Variants in VSNL1 observed in about 807,000 individuals in gnomAD.
The protein encoded by VSNL1 is visinin-like protein 1.
Under a neutral mutation model 20.4 loss-of-function variants are expected in VSNL1, and 6 were observed. The observed-to-expected ratio is 0.29, with a 90% CI of 0.16 to 0.58. VSNL1 has a LOEUF of 0.58. Among genes scored for constraint, VSNL1 ranks in the 20% least tolerant of loss-of-function variants. VSNL1 has a pLI of 0.90. For missense variants in VSNL1, 100 were observed against 234.5 expected (o/e 0.43, Z 3.75); for synonymous variants, 93 against 86.4 (o/e 1.08, Z -0.42).
At chr2:17,612,511 C>T (rs1665114908) in intron 2 of VSNL1, among the ~76,000 whole-genome samples, 1 of 152,184 alleles carries the variant, frequency 6.6e-6, no homozygotes. Context: ...ATGATCCCAG[C>T]TATGACAAAG....
intron 1 of VSNL1, among the ~76,000 whole-genome samples, chr2:17,544,482 C>T (rs557903869): frequency 1.3e-5 from 2 of 152,306 alleles, no homozygotes; most frequent in East Asian, 3.9e-4. Context: ...CTCCCCATTA[C>T]ATGTGAGTCA....
At chr2:17,637,195 G>C (rs1319699505) in intron 2 of VSNL1, among the ~76,000 whole-genome samples, 1 of 152,186 alleles carries the variant, frequency 6.6e-6, no homozygotes, top group Non-Finnish European at 1.5e-5. Context: ...ACCTGGCCCA[G>C]GGGAGCCCGG....
intron 2 of VSNL1, among the ~76,000 whole-genome samples, chr2:17,628,200 T>A (rs1176045498): frequency 6.6e-6 from 1 of 152,110 alleles, no homozygotes; most frequent in African/African-American, 2.4e-5. Flanking sequence ...AGAGTGTGAG[T>A]TATTGAGGAC....
chr2:17,552,880 G>A (rs78151592), intron 1 of VSNL1, among the ~76,000 whole-genome samples: 364 of 152,236 alleles, frequency 2.4e-3, no homozygotes, highest in African/African-American at 8.5e-3. Context: ...AAGAGATGTG[G>A]CTTTAAACTA....
intron 2 of VSNL1, among the ~76,000 whole-genome samples, chr2:17,603,349 G>A (rs1484134014): frequency 6.6e-6 from 1 of 152,192 alleles, no homozygotes; most frequent in Admixed American, 6.5e-5. Flanking sequence ...TCCTCACATG[G>A]TGAAAGAGGC....
chr2:17,642,980 C>G (rs1665913732), intron 2 of VSNL1, among the ~76,000 whole-genome samples: 1 of 151,770 alleles, frequency 6.6e-6, no homozygotes, highest in African/African-American at 2.4e-5. Flanking sequence ...TGAGAAGCAA[C>G]CTTAGGATCT....
chr2:17,565,285 G>C (rs932607124), intron 1 of VSNL1, among the ~76,000 whole-genome samples: 3 of 152,006 alleles, frequency 2.0e-5, no homozygotes, highest in Non-Finnish European at 4.4e-5. Flanking sequence ...GAAAAATTCG[G>C]AGAATTATAT....
chr2:17,614,190 C>G (rs1308814895), intron 2 of VSNL1, among the ~76,000 whole-genome samples: 1 of 152,196 alleles, frequency 6.6e-6, no homozygotes, highest in Non-Finnish European at 1.5e-5. Flanking sequence ...CACTGTAAGA[C>G]TCGGGGGCCC....
chr2:17,549,214 G>A (rs1663469946), intron 1 of VSNL1, among the ~76,000 whole-genome samples: 1 of 152,150 alleles, frequency 6.6e-6, no homozygotes, highest in African/African-American at 2.4e-5. Context: ...GGCAGAAGAG[G>A]GAGGCCATAC....
chr2:17,575,771 G>A lies in VSNL1; in HGVS notation c.-5-16299G>A, dbSNP rs544221035. On this transcript the variant is annotated intron_variant, in intron 1 of 3. Coordinates refer to ENST00000295156, the MANE Select transcript of VSNL1 (RefSeq NM_003385.5). ...AGGCTGGTCTCGAACTCCTGACCTTGTGATCTGCCTGCCTCGGCCTCCCAA... is the reference window on the plus strand; with the variant it reads ...AGGCTGGTCTCGAACTCCTGACCTTATGATCTGCCTGCCTCGGCCTCCCAA... 1.0e-3 allele frequency among the ~76,000 whole-genome samples: 153 copies of A among 152,024 alleles called. 1 individual carries two copies. Among genetic ancestry groups the A allele is most frequent in the African/African-American group, 3.5e-3 (144 of 41,470 alleles).
At chr2:17,631,849 A>T (rs939980878) in intron 2 of VSNL1, among the ~76,000 whole-genome samples, 1 of 152,250 alleles carries the variant, frequency 6.6e-6, no homozygotes, top group Non-Finnish European at 1.5e-5. Context: ...ACACAGGTAC[A>T]TACTTAATGA....
chr2:17,649,363 G>A lies in VSNL1; in HGVS notation c.163-47G>A, dbSNP rs937975096. 1.5e-5 allele frequency: 24 copies of A among 1,594,088 alleles called. No individual in the cohort carries two copies. Among genetic ancestry groups the A allele is most frequent in the African/African-American group, 2.7e-5 (2 of 74,456 alleles). The stretch of plus-strand genomic sequence containing the variant: ...CATTAGGAACCTACCTCGTCGCCCC[G>A]ATTCCATCCCCTCCCGACACCTGAC... On this transcript the variant is annotated intron_variant, in intron 2 of 3. Transcript: ENST00000295156. This position sits in a 1 kb window ranked among gnomAD's most constrained non-coding sequence, Gnocchi z 6.4.
Position 17,635,567 on chromosome 2 carries a change from A to G in VSNL1, c.163-13843A>G, listed in dbSNP as rs150252826. 2.7e-3 allele frequency among the ~76,000 whole-genome samples: 415 copies of G among 152,210 alleles called. 1 individual carries two copies. The highest frequency in any genetic ancestry group is 4.3e-3 in the Non-Finnish European group (295 of 68,004). ...ATTAGCACCAGGATTCTGCAGTTGGATTTTCTAGGTTCACAATTTAGCTCC... is the reference window on the plus strand; with the variant it reads ...ATTAGCACCAGGATTCTGCAGTTGGGTTTTCTAGGTTCACAATTTAGCTCC... On this transcript the variant is annotated intron_variant, in intron 2 of 3. Transcript: ENST00000295156.
intron 2 of VSNL1, among the ~76,000 whole-genome samples, chr2:17,644,057 A>C (rs570456716): frequency 6.6e-6 from 1 of 152,316 alleles, no homozygotes; most frequent in South Asian, 2.1e-4. Context: ...ATGGGTGTGC[A>C]AATTTCCCCT....
At chr2:17,645,824 G>T (rs922257915) in intron 2 of VSNL1, among the ~76,000 whole-genome samples, 7 of 148,402 alleles carry the variant, frequency 4.7e-5, no homozygotes, top group African/African-American at 1.7e-4. Context: ...TCGGTTCAGG[G>T]ACAGGGTATG....
chr2:17,576,309 C>A (rs1380273226), intron 1 of VSNL1, among the ~76,000 whole-genome samples: 1 of 152,164 alleles, frequency 6.6e-6, no homozygotes, highest in Non-Finnish European at 1.5e-5. Flanking sequence ...CTATCCATTT[C>A]CCTAGTGGGA....
At chr2:17,584,936 G>A (rs540184757) in intron 1 of VSNL1, among the ~76,000 whole-genome samples, 7 of 152,162 alleles carry the variant, frequency 4.6e-5, no homozygotes, top group East Asian at 3.9e-4. Context: ...TGATCCCTGG[G>A]GCCCACTTCT....
chr2:17,554,738 G>A (rs1477074813), intron 1 of VSNL1, among the ~76,000 whole-genome samples: 2 of 151,982 alleles, frequency 1.3e-5, no homozygotes, highest in African/African-American at 2.4e-5. Flanking sequence ...AGTAATATTC[G>A]CTCATTGTGA....
At chr2:17,615,333 T>C (rs1665191256) in intron 2 of VSNL1, among the ~76,000 whole-genome samples, 1 of 152,228 alleles carries the variant, frequency 6.6e-6, no homozygotes, top group Non-Finnish European at 1.5e-5. Flanking sequence ...GAGTATCATT[T>C]TTTAAAAATA....
Sources: allele counts gnomAD v4.1 joint callset (sites outside exome capture counted in the v4.1 genomes callset), GRCh38; gene constraint gnomAD v4.1.1; non-coding constraint Gnocchi (gnomAD v3.1); transcripts MANE v1.5; gene names NCBI Gene and HGNC (gene_info 2026-07-23, HGNC 2026-07-21).